ARHGEF28: variants seen among roughly 807,000 people sequenced by gnomAD.
The protein encoded by ARHGEF28 is 190 kDa guanine nucleotide exchange factor.
Under a neutral mutation model 206.6 loss-of-function variants are expected in ARHGEF28, and 152 were observed. The ratio of observed to expected loss-of-function variants is 0.74; its 90% confidence interval spans 0.64 to 0.84. ARHGEF28 has a LOEUF of 0.84. Among genes scored for constraint, ARHGEF28 ranks in the 40% least tolerant of loss-of-function variants. The probability of loss-of-function intolerance (pLI) is 0.00; values close to 1 mark genes in which losing one functional copy is unlikely to be tolerated. For synonymous variants in ARHGEF28, 763 were observed against 776.4 expected (o/e 0.98, Z 0.29); for missense variants, 2,028 against 2,073.2 (o/e 0.98, Z 0.42).
At chr5:73,865,154 A>C (rs1759633248) in intron 17 of ARHGEF28, among the ~76,000 whole-genome samples, 1 of 152,196 alleles carries the variant, frequency 6.6e-6, no homozygotes, top group Admixed American at 6.5e-5. Context: ...GTACCTGCAA[A>C]TGAAGATCAG....
At chr5:73,830,340 T>C (rs1757214168) in intron 9 of ARHGEF28, among the ~76,000 whole-genome samples, 1 of 151,944 alleles carries the variant, frequency 6.6e-6, no homozygotes, top group Non-Finnish European at 1.5e-5. Flanking sequence ...GATCACGAGG[T>C]CAGAAGGTCG....
At chr5:73,693,448 A>G (rs1461535731) in intron 2 of ARHGEF28, among the ~76,000 whole-genome samples, 1 of 152,202 alleles carries the variant, frequency 6.6e-6, no homozygotes, top group East Asian at 1.9e-4. Context: ...AGCCAGACCT[A>G]TTAATTGATG....
intron 1 of ARHGEF28, among the ~76,000 whole-genome samples, chr5:73,635,221 T>G (rs186584695): frequency 8.1e-4 from 123 of 152,292 alleles, no homozygotes; most frequent in Non-Finnish European, 1.4e-3. Context: ...CACATGCCTA[T>G]AGTCCCAGCT....
intron 24 of ARHGEF28, among the ~76,000 whole-genome samples, chr5:73,885,081 T>C (rs1761182327): frequency 2.6e-5 from 4 of 152,182 alleles, no homozygotes. Context: ...TTTATGCTAA[T>C]GCAGTTATAA....
chr5:73,904,630 C>A (rs1762451223), intron 33 of ARHGEF28: 3 of 524,734 alleles, frequency 5.7e-6, no homozygotes, highest in Non-Finnish European at 9.9e-6. Context: ...TAAAACAGTT[C>A]ATATCTTTAA....
chr5:73,834,758 T>A (rs747953401), intron 10 of ARHGEF28, among the ~76,000 whole-genome samples: 4 of 152,204 alleles, frequency 2.6e-5, no homozygotes, highest in Non-Finnish European at 5.9e-5. Flanking sequence ...TATAGTAACA[T>A]GCTGTATAGA....
At chr5:73,806,391 T>G (rs200484182) in intron 9 of ARHGEF28, among the ~76,000 whole-genome samples, 22 of 97,566 alleles carry the variant, frequency 2.3e-4, no homozygotes, top group East Asian at 6.3e-4. Flanking sequence ...GATATATAGA[T>G]ATATATACAT....
At chr5:73,690,249 A>G (rs1747730649) in intron 2 of ARHGEF28, among the ~76,000 whole-genome samples, 1 of 152,056 alleles carries the variant, frequency 6.6e-6, no homozygotes, top group Admixed American at 6.5e-5. Context: ...GAGATTTTGC[A>G]TTTACAAGCC....
chr5:73,819,308 T>C (rs1270155089), intron 9 of ARHGEF28, among the ~76,000 whole-genome samples: 1 of 152,246 alleles, frequency 6.6e-6, no homozygotes, highest in Non-Finnish European at 1.5e-5. Flanking sequence ...CCTCCATTAC[T>C]CTGGCCATAG....
chr5:73,804,421 C>T (rs550057393), intron 9 of ARHGEF28, among the ~76,000 whole-genome samples: 29 of 152,264 alleles, frequency 1.9e-4, no homozygotes, highest in South Asian at 6.2e-4. Context: ...TAATGCAGGA[C>T]TTGAATTCTA....
intron 2 of ARHGEF28, among the ~76,000 whole-genome samples, chr5:73,748,814 GC>G (rs1166139639): frequency 6.6e-6 from 1 of 152,154 alleles, no homozygotes; most frequent in East Asian, 1.9e-4. Context: ...CTCTCTGGAG[GC>G]CCCACTTTGT....
At chr5:73,692,275 G>C (rs757650327) in intron 2 of ARHGEF28, among the ~76,000 whole-genome samples, 29 of 152,106 alleles carry the variant, frequency 1.9e-4, no homozygotes, top group Non-Finnish European at 2.6e-4. Flanking sequence ...GCATGTGTGA[G>C]ACTGTGTGTG....
In ARHGEF28 at chr5:73,665,688, C is replaced by A. The variant is rs116445120; in HGVS notation, c.-11-19153C>A. Reference sequence around the variant, plus strand: ...GCCAAACGTCCTTTTATAACAAACCCTCTCATGATAATAAACCCACACCCA... The same window carrying A: ...GCCAAACGTCCTTTTATAACAAACCATCTCATGATAATAAACCCACACCCA... On this transcript the variant is annotated intron_variant, in intron 1 of 35. Transcript: ENST00000513042. 5.9e-3 allele frequency among the ~76,000 whole-genome samples: 902 copies of A among 152,200 alleles called. 10 individuals carry two copies. Among genetic ancestry groups the A allele is most frequent in the African/African-American group, 0.02 (845 of 41,506 alleles).
At chr5:73,850,370 A>G (rs551543041) in intron 13 of ARHGEF28, among the ~76,000 whole-genome samples, 37 of 152,184 alleles carry the variant, frequency 2.4e-4, no homozygotes, top group Middle Eastern at 3.4e-3. Context: ...AAGAAAGGAT[A>G]CAACTACCTT....
chr5:73,802,021 G>C (rs1018632701), intron 9 of ARHGEF28, among the ~76,000 whole-genome samples: 3 of 152,116 alleles, frequency 2.0e-5, no homozygotes, highest in Admixed American at 2.0e-4. Flanking sequence ...AGTAGTTTTG[G>C]GAATTAGAGA....
intron 35 of ARHGEF28, among the ~76,000 whole-genome samples, chr5:73,933,856 A>AG (rs2112037979): frequency 6.6e-6 from 1 of 152,218 alleles, no homozygotes; most frequent in South Asian, 2.1e-4. Flanking sequence ...CTAAAAAAAA[A>AG]TTAACAGTTG....
chr5:73,923,110 T>A, intron 35 of ARHGEF28: 1 of 1,535,936 alleles, frequency 6.5e-7, no homozygotes, highest in Non-Finnish European at 8.7e-7. Context: ...AAAGTGCAGT[T>A]GTACGTTGAC....
intron 21 of ARHGEF28, among the ~76,000 whole-genome samples, chr5:73,870,418 C>A (rs57350865): frequency 6.6e-6 from 1 of 152,038 alleles, no homozygotes; most frequent in African/African-American, 2.4e-5. Context: ...AAACCACAAT[C>A]GGTTTTGCAA....
intron 1 of ARHGEF28, among the ~76,000 whole-genome samples, chr5:73,679,525 C>A (rs978550789): frequency 1.3e-5 from 2 of 150,878 alleles, no homozygotes; most frequent in Middle Eastern, 3.4e-3. Flanking sequence ...TGAGATCACG[C>A]CACTGCACTC....
Sources: gnomAD v4.1 joint callset for allele counts (sites outside exome capture counted in the v4.1 genomes callset) on GRCh38, gnomAD v4.1.1 for gene constraint, MANE v1.5 for transcripts, NCBI Gene and HGNC (gene_info 2026-07-23, HGNC 2026-07-21) for gene names.